The following RGS12 variants were observed in gnomAD, a reference collection of about 807,000 sequenced individuals.
RGS12 encodes regulator of G-protein signaling 12.
In RGS12, 66 loss-of-function variants were observed where a neutral mutation model predicts 120.1. That is an observed-to-expected ratio of 0.55 (90% CI 0.45 to 0.67). The LOEUF (loss-of-function observed/expected upper bound fraction) is 0.67, where lower values mean the gene tolerates loss of function less well. Ranked by LOEUF, RGS12 falls within the 30% of genes least tolerant of loss-of-function variation. RGS12 has a pLI of 0.00. For synonymous variants in RGS12, 827 were observed against 804.7 expected (o/e 1.03, Z -0.47); for missense variants, 1,859 against 1,957.7 (o/e 0.95, Z 0.95).
intron 3 of RGS12, among the ~76,000 whole-genome samples, chr4:3,349,706 T>C (rs1391574574): frequency 6.6e-6 from 1 of 152,212 alleles, no homozygotes; most frequent in African/African-American, 2.4e-5. Context: ...ATCAGTATTT[T>C]ATAGATGAGA....
intron 3 of RGS12, among the ~76,000 whole-genome samples, chr4:3,352,529 G>C (rs1714462866): frequency 6.6e-6 from 1 of 152,166 alleles, no homozygotes; most frequent in South Asian, 2.1e-4. Flanking sequence ...GCATTGCGAT[G>C]GGATACACAT....
chr4:3,353,089 G>A (rs1714525183), intron 3 of RGS12, among the ~76,000 whole-genome samples: 2 of 152,192 alleles, frequency 1.3e-5, no homozygotes, highest in Admixed American at 6.5e-5. Context: ...CGTACTTTCC[G>A]CTTCTTGCTC....
At chr4:3,431,106 C>G (rs564268149) in intron 17 of RGS12, 151 bp downstream of exon 17, 4 of 1,440,024 alleles carry the variant, frequency 2.8e-6, no homozygotes, top group Non-Finnish European at 3.6e-6. Flanking sequence ...CTTCCTTGGC[C>G]CTCTTGGAAA....
chr4:3,361,927 GTTC>G (rs1250319380), intron 3 of RGS12, among the ~76,000 whole-genome samples: 2 of 152,340 alleles, frequency 1.3e-5, no homozygotes, highest in East Asian at 3.9e-4. Flanking sequence ...GTAGAGCTGT[GTTC>G]TTGGGACTGA....
intron 4 of RGS12, among the ~76,000 whole-genome samples, chr4:3,407,124 A>G (rs945024647): frequency 6.6e-6 from 1 of 152,178 alleles, no homozygotes; most frequent in Non-Finnish European, 1.5e-5. Context: ...ATAAAGCACA[A>G]ATTGCTGAAG....
At chr4:3,367,966 G>A (rs944261508) in intron 3 of RGS12, among the ~76,000 whole-genome samples, 2 of 152,214 alleles carry the variant, frequency 1.3e-5, no homozygotes, top group African/African-American at 4.8e-5. Context: ...CTTCCTTTCC[G>A]TCCTCGATGG....
intron 1 of RGS12, among the ~76,000 whole-genome samples, chr4:3,305,652 C>T (rs558741503): frequency 6.6e-6 from 1 of 152,254 alleles, no homozygotes; most frequent in African/African-American, 2.4e-5. Context: ...TCAGATGTGC[C>T]TCACTTCCGA....
chr4:3,386,738 AC>A (rs1718895414), intron 4 of RGS12, among the ~76,000 whole-genome samples: 6 of 152,154 alleles, frequency 3.9e-5, no homozygotes, highest in Admixed American at 6.5e-5. Context: ...ACAAGTTAAA[AC>A]GTGTTTTTGC....
intron 3 of RGS12, among the ~76,000 whole-genome samples, chr4:3,347,347 G>A (rs1223567844): frequency 6.6e-6 from 1 of 152,070 alleles, no homozygotes; most frequent in Non-Finnish European, 1.5e-5. Context: ...GGGAGGGTGA[G>A]GCCGGAGAAT....
At chr4:3,341,914 G>A (rs1235680798) in intron 2 of RGS12, among the ~76,000 whole-genome samples, 1 of 150,688 alleles carries the variant, frequency 6.6e-6, no homozygotes, top group South Asian at 2.1e-4. Context: ...GGTGGGGTAG[G>A]AAGGACTTTT....
chr4:3,342,810 T>C (rs1713377428), intron 2 of RGS12, 127 bp from the exon 3 acceptor site: 1 of 772,874 alleles, frequency 1.3e-6, no homozygotes, highest in African/African-American at 1.7e-5. Flanking sequence ...GGATGACTTT[T>C]AAATCTCTCT....
intron 1 of RGS12, among the ~76,000 whole-genome samples, chr4:3,309,557 G>T (rs1236927281): frequency 1.4e-5 from 2 of 138,988 alleles, no homozygotes; most frequent in Non-Finnish European, 3.1e-5. Flanking sequence ...GCTGGGGCCT[G>T]GGAATGGCAG....
At chr4:3,299,680 A>G (rs561482446) in intron 1 of RGS12, among the ~76,000 whole-genome samples, 1 of 152,300 alleles carries the variant, frequency 6.6e-6, no homozygotes, top group Admixed American at 6.5e-5. Context: ...AGTTAAAAGA[A>G]AGTTCTTCCC....
intron 17 of RGS12, chr4:3,431,819 C>T (rs1307156446): frequency 2.0e-6 from 2 of 985,584 alleles, no homozygotes; most frequent in Non-Finnish European, 2.4e-6. Flanking sequence ...GCCTCTCCGT[C>T]CTGTGCCCTG....
intron 4 of RGS12, among the ~76,000 whole-genome samples, chr4:3,397,333 C>T (rs1720138116): frequency 6.6e-6 from 1 of 152,220 alleles, no homozygotes; most frequent in African/African-American, 2.4e-5. Flanking sequence ...CGTGGCCGGG[C>T]CAGAGCCCAC....
chr4:3,365,120 C>T lies in RGS12; in HGVS notation c.1999-21296C>T, dbSNP rs1226069667. Among the ~76,000 whole-genome samples, 1 of 152,006 alleles carries T rather than the reference C, an allele frequency of 6.6e-6. No homozygotes were observed. The highest frequency in any genetic ancestry group is 1.5e-5 in the Non-Finnish European group (1 of 67,998). On this transcript the variant is annotated intron_variant, in intron 3 of 17. Transcript: ENST00000336727. The surrounding 1 kb of genome is among the most constrained non-coding windows in gnomAD (Gnocchi z 4.0). ...GAGCTGTTGGAGCCAGGAGCCTGGG[C>T]TGGAGCCTGGGAGAGACCTGGACTC...
Position 3,420,684 on chromosome 4 carries a change from A to G in RGS12, c.2804A>G (p.Gln935Arg). Reference protein sequence around the residue: ...ANGGLCRRESQGSVSSAGSLD... With the variant: ...ANGGLCRRESRGSVSSAGSLD... ...GGAGGCCTGTGTCGCCGAGAGTCGC[A>G]GGGCTCTGTGTCCTCTGCGGGGAGC... Residue 935 changes from glutamine (Q) to arginine (R), a missense_variant, in exon 10 of 18, where the codon CAG (glutamine) becomes CGG (arginine). Transcript: ENST00000336727. 1 of 1,613,268 alleles carries G rather than the reference A, an allele frequency of 6.2e-7. No individual in the cohort carries two copies. Among genetic ancestry groups the G allele is most frequent in the Non-Finnish European group, 8.5e-7 (1 of 1,180,030 alleles).
Position 3,366,209 on chromosome 4 carries a change from C to T in RGS12, c.1999-20207C>T, listed in dbSNP as rs919235622. On this transcript the variant is annotated intron_variant, in intron 3 of 17. Transcript: ENST00000336727. The surrounding 1 kb of genome is among the most constrained non-coding windows in gnomAD (Gnocchi z 4.0). ...TTAGGGGTTAGGCACAGGGCTGGGG[C>T]GGGTGCTGGGCAGACTGCAAAGGGT... Among the ~76,000 whole-genome samples, 1 of 151,750 alleles carries T rather than the reference C, an allele frequency of 6.6e-6. No individual in the cohort carries two copies. Among genetic ancestry groups the T allele is most frequent in the African/African-American group, 2.4e-5 (1 of 41,284 alleles).
Position 3,317,074 on chromosome 4 carries a change from A to G in RGS12, c.904A>G (p.Ser302Gly), listed in dbSNP as rs1244135405. 11 of 1,613,722 alleles carry G rather than the reference A, an allele frequency of 6.8e-6. No homozygotes were observed. The highest frequency in any genetic ancestry group is 3.3e-5 in the Admixed American group (2 of 60,034). Residue 302 changes from serine to glycine, a missense_variant, in exon 2 of 18, where the codon AGC becomes GGC. Ser to Gly is a moderately conservative substitution (Grantham distance 56, BLOSUM62 0). This residue lies in a region of RGS12 where 967 missense variants were observed against 994.2 expected (regional missense o/e 0.97). Coordinates refer to ENST00000336727, the MANE Select transcript of RGS12 (RefSeq NM_001394154.1). Reference protein sequence around the residue: ...AEYPAEKLAFSAVCPDDRRFF... With the variant: ...AEYPAEKLAFGAVCPDDRRFF... ...GTACCCGGCCGAGAAGCTGGCCTTC[A>G]GCGCCGTGTGCCCGGACGACCGGCG...
Sources: allele counts gnomAD v4.1 joint callset (sites outside exome capture counted in the v4.1 genomes callset), GRCh38; gene constraint gnomAD v4.1.1; regional missense constraint gnomAD v4.1.1; non-coding constraint Gnocchi (gnomAD v3.1); transcripts MANE v1.5; gene names NCBI Gene and HGNC (gene_info 2026-07-23, HGNC 2026-07-21).